The following PKD1L1 variants were observed in gnomAD, a reference collection of about 807,000 sequenced individuals.
The protein encoded by PKD1L1 is polycystin-1-like protein 1.
Under a neutral mutation model 323.4 loss-of-function variants are expected in PKD1L1, and 236 were observed. The observed-to-expected ratio is 0.73, with a 90% CI of 0.66 to 0.81. The LOEUF (loss-of-function observed/expected upper bound fraction) is 0.81, where lower values mean the gene tolerates loss of function less well. Among genes scored for constraint, PKD1L1 ranks in the 40% least tolerant of loss-of-function variants. The pLI is 0.00. For missense variants in PKD1L1, 3,320 were observed against 3,508.0 expected, an observed-to-expected ratio of 0.95 and a Z score of 1.35; for synonymous variants, 1,344 against 1,335.0, an observed-to-expected ratio of 1.01 and a Z score of -0.15.
At chr7:47,833,296 G>A (rs1206845370) in intron 40 of PKD1L1, 44 bp from the exon 41 acceptor site, 1 of 1,590,224 alleles carries the variant, frequency 6.3e-7, no homozygotes, top group Non-Finnish European at 8.6e-7. Context: ...TCCACAGACA[G>A]GGCTTCACAC....
chr7:47,925,269 G>A (rs770561726), intron 7 of PKD1L1, among the ~76,000 whole-genome samples: 3 of 152,148 alleles, frequency 2.0e-5, no homozygotes, highest in Non-Finnish European at 4.4e-5. Flanking sequence ...CAACACTTTG[G>A]GAGGCTGAGG....
At chr7:47,864,576 T>TTTTCTTTCTTTCTTTCTTTCTTTC (rs199500886) in intron 26 of PKD1L1, among the ~76,000 whole-genome samples, 28 of 107,624 alleles carry the variant, frequency 2.6e-4, no homozygotes, top group East Asian at 1.2e-3. Context: ...TTTTTCTTTC[T>TTTTCTTTCTTTCTTTCTTTCTTTC]TTTCTTTCTT....
At chr7:47,901,050 GA>G (rs988630618) in intron 13 of PKD1L1, among the ~76,000 whole-genome samples, 1 of 151,802 alleles carries the variant, frequency 6.6e-6, no homozygotes, top group Non-Finnish European at 1.5e-5. Flanking sequence ...GTAAAATAAA[GA>G]AAAAATGACC....
intron 16 of PKD1L1, 123 bp downstream of exon 16, chr7:47,890,419 A>G (rs1583652141): frequency 1.1e-6 from 1 of 934,966 alleles, no homozygotes; most frequent in African/African-American, 1.6e-5. Flanking sequence ...CTTTGCAGTG[A>G]GAATCCTGCA....
At chr7:47,866,698 T>G in intron 24 of PKD1L1, 84 bp from the exon 25 acceptor site, 1 of 1,215,858 alleles carries the variant, frequency 8.2e-7, no homozygotes, top group East Asian at 2.4e-5. Flanking sequence ...GGATGGGATT[T>G]GTTGCAAAAA....
At chr7:47,899,406 G>T (rs1787028552) in intron 13 of PKD1L1, among the ~76,000 whole-genome samples, 1 of 141,232 alleles carries the variant, frequency 7.1e-6, no homozygotes, top group Non-Finnish European at 1.6e-5. Flanking sequence ...AGCCAATGAG[G>T]ATGAGGATAT....
intron 3 of PKD1L1, among the ~76,000 whole-genome samples, chr7:47,937,244 G>C (rs1467886819): frequency 3.4e-5 from 4 of 117,876 alleles, no homozygotes; most frequent in African/African-American, 1.3e-4. Context: ...GTGCGGGGTC[G>C]GGACGGGGTG....
At chr7:47,882,990 A>G (rs1461451529) in intron 19 of PKD1L1, among the ~76,000 whole-genome samples, 1 of 152,180 alleles carries the variant, frequency 6.6e-6, no homozygotes, top group East Asian at 1.9e-4. Flanking sequence ...AAGACTTGAA[A>G]CCAAGGTCAC....
In PKD1L1 at chr7:47,807,571, G is replaced by A. The variant is rs150501282; in HGVS notation, c.7827+676C>T. Among the ~76,000 whole-genome samples, 56 of 152,252 alleles carry A rather than the reference G, an allele frequency of 3.7e-4. No homozygotes were observed. In the East Asian group the frequency reaches 8.6e-3, roughly 23 times the overall value. ...GAGGGGCTAGATCTGAGGGCAGCAGGGCAAGGAGGCAGAGTATGTGGGCTC... is the reference window on the plus strand; with the variant it reads ...GAGGGGCTAGATCTGAGGGCAGCAGAGCAAGGAGGCAGAGTATGTGGGCTC... On this transcript the variant is annotated intron_variant, in intron 52 of 56. Transcript: ENST00000289672.
intron 56 of PKD1L1, among the ~76,000 whole-genome samples, chr7:47,791,734 C>A (rs908111686): frequency 5.3e-5 from 8 of 152,190 alleles, no homozygotes; most frequent in Non-Finnish European, 1.2e-4. Flanking sequence ...AGGGCTGGGG[C>A]AGAGAGCTTA....
chr7:47,856,560 T>C (rs6967514), intron 28 of PKD1L1, among the ~76,000 whole-genome samples: 90,756 of 151,778 alleles, frequency 0.6, 27,592 homozygotes, highest in African/African-American at 0.63. Flanking sequence ...AGTGTAACAG[T>C]GTAGGCCAGG....
chr7:47,833,260 G>C lies in PKD1L1; in HGVS notation c.6175-8C>G. 1 of 1,611,100 alleles carries C rather than the reference G, an allele frequency of 6.2e-7. No homozygotes were observed. The highest frequency in any genetic ancestry group is 8.5e-7 in the Non-Finnish European group (1 of 1,178,448). ...AATGGCTGATGCAGGTTGCTAGAATGACAAGGTCATGCCAAGGTTAATATC... is the reference window on the plus strand; with the variant it reads ...AATGGCTGATGCAGGTTGCTAGAATCACAAGGTCATGCCAAGGTTAATATC... On this transcript the variant is annotated splice_polypyrimidine_tract_variant and splice_region_variant and intron_variant, in intron 40 of 56. Transcript: ENST00000289672.
intron 22 of PKD1L1, 77 bp from the exon 23 acceptor site, chr7:47,876,294 G>C: frequency 6.8e-7 from 1 of 1,480,646 alleles, no homozygotes; most frequent in Non-Finnish European, 9.3e-7. Context: ...TACACACACA[G>C]CTGAGCCTTC....
intron 21 of PKD1L1, among the ~76,000 whole-genome samples, chr7:47,878,018 C>T (rs1786447584): frequency 6.6e-6 from 1 of 151,986 alleles, no homozygotes; most frequent in Non-Finnish European, 1.5e-5. Flanking sequence ...AAACCGAAGC[C>T]TGAGGGAGAG....
At chr7:47,888,598 C>G (rs1281678349) in intron 16 of PKD1L1, among the ~76,000 whole-genome samples, 1 of 152,254 alleles carries the variant, frequency 6.6e-6, no homozygotes. Flanking sequence ...AAACTTTCCC[C>G]GTGGCCGTCC....
In PKD1L1 at chr7:47,861,609, A is replaced by G. The variant is rs547332801; in HGVS notation, c.4150-2724T>C. ...ATACAAAGAACAATTGGGACTGGGT[A>G]CGGTGGCTCACGCCTGTAATCCCAG... On this transcript the variant is annotated intron_variant, in intron 26 of 56. Coordinates refer to ENST00000289672, the MANE Select transcript of PKD1L1 (RefSeq NM_138295.5). Among the ~76,000 whole-genome samples, 20 of 152,248 alleles carry G rather than the reference A, an allele frequency of 1.3e-4. 1 individual carries two copies. In the South Asian group the frequency reaches 1.4e-3, roughly 11 times the overall value.
At chr7:47,950,400 C>T (rs1349366766), upstream of PKD1L1, among the ~76,000 whole-genome samples, 1 of 152,186 alleles carries the variant, frequency 6.6e-6, no homozygotes, top group Non-Finnish European at 1.5e-5. Context: ...AAGAAAGTGA[C>T]ATAATTGAGG....
At chr7:47,901,686 C>G (rs190192064) in intron 13 of PKD1L1, among the ~76,000 whole-genome samples, 1 of 152,182 alleles carries the variant, frequency 6.6e-6, no homozygotes. Context: ...CGGATTGCCC[C>G]GGGCACTTGG....
chr7:47,868,602 G>C (rs555703379), intron 24 of PKD1L1, among the ~76,000 whole-genome samples: 3 of 152,258 alleles, frequency 2.0e-5, no homozygotes, highest in South Asian at 4.1e-4. Context: ...CTGGCCAGGC[G>C]TGGTGGCTCA....
Sources: allele counts gnomAD v4.1 joint callset (sites outside exome capture counted in the v4.1 genomes callset), GRCh38; gene constraint gnomAD v4.1.1; transcripts MANE v1.5; gene names NCBI Gene and HGNC (gene_info 2026-07-23, HGNC 2026-07-21).